The following CEP63 variants were observed in gnomAD, a reference collection of about 807,000 sequenced individuals.
CEP63 encodes centrosomal protein of 63 kDa.
CEP63 carries 84 observed loss-of-function variants against 89.1 expected under a neutral mutation model. The observed-to-expected ratio is 0.94, with a 90% CI of 0.79 to 1.13. The LOEUF is 1.13. Ranked by LOEUF, CEP63 falls within the 50% of genes most tolerant of loss-of-function variation. The pLI is 0.00. For synonymous variants in CEP63, 267 were observed against 272.5 expected (o/e 0.98, Z 0.20); for missense variants, 838 against 813.3 (o/e 1.03, Z -0.37).
the CEP63 span, among the ~76,000 whole-genome samples, chr3:134,696,520 A>G: frequency 1.4e-4 from 22 of 152,218 alleles, no homozygotes; most frequent in Non-Finnish European, 2.9e-4. Context: ...TTTTTAAACA[A>G]TAACTTTTCT....
intron 12 of CEP63, among the ~76,000 whole-genome samples, chr3:134,556,671 G>A (rs1956252614): frequency 2.0e-5 from 3 of 152,296 alleles, no homozygotes; most frequent in Admixed American, 6.5e-5. Flanking sequence ...GGGAACTTAA[G>A]CCAGACCATG....
At chr3:134,762,696 C>T in the CEP63 span, among the ~76,000 whole-genome samples, 1 of 152,136 alleles carries the variant, frequency 6.6e-6, no homozygotes, top group Non-Finnish European at 1.5e-5. Context: ...CAGGAGAAAC[C>T]AGCCCCACTA....
chr3:134,532,084 C>G, intron 4 of CEP63, 144 bp downstream of exon 4: 1 of 618,046 alleles, frequency 1.6e-6, no homozygotes, highest in African/African-American at 1.8e-5. Context: ...ATCCATTTCT[C>G]TGTTCTTTAA....
the CEP63 span, among the ~76,000 whole-genome samples, chr3:134,775,558 A>G: frequency 6.6e-6 from 1 of 152,178 alleles, no homozygotes. Flanking sequence ...TCACAGCTGG[A>G]GGATGGATAT....
chr3:134,501,546 C>T (rs185457175), intron 2 of CEP63, among the ~76,000 whole-genome samples: 110 of 147,884 alleles, frequency 7.4e-4, no homozygotes, highest in African/African-American at 2.6e-3. Flanking sequence ...GGTTTTTCAC[C>T]TCTGTAGTTA....
chr3:134,762,345 T>C, the CEP63 span, among the ~76,000 whole-genome samples: 4 of 152,094 alleles, frequency 2.6e-5, no homozygotes, highest in Admixed American at 2.6e-4. Context: ...TGGGGCGGTG[T>C]ATCAGGTAAC....
the CEP63 span, among the ~76,000 whole-genome samples, chr3:134,634,956 A>G: frequency 1.3e-5 from 2 of 152,248 alleles, no homozygotes; most frequent in South Asian, 4.1e-4. Context: ...GTGGGATTGT[A>G]AAATAGAACA....
rs140668390 is a variant in CEP63 at position 134,558,294 on chromosome 3, G to C, written c.1620G>C (p.Arg540Ser). The C allele has an allele frequency of 6.2e-7, 1 of 1,613,814 alleles. No individual in the cohort carries two copies. The highest frequency in any genetic ancestry group is 1.7e-5 in the Admixed American group (1 of 60,000). Residue 540 changes from arginine to serine, a missense_variant, in exon 13 of 15, where the codon AGG becomes AGC. Coordinates refer to ENST00000675561, the MANE Select transcript of CEP63 (RefSeq NM_001353108.3). ...STQMCKKQND[R>S]IFKPTHSRTT... ...AGATGTGCAAAAAACAAAATGACAG[G>C]ATCTTTAAACCAACACACAGCAGAA...
At chr3:134,591,891 A>AAAAT (rs1553800468), downstream of CEP63, among the ~76,000 whole-genome samples, 13 of 150,942 alleles carry the variant, frequency 8.6e-5, no homozygotes, top group African/African-American at 2.2e-4. Flanking sequence ...TGTCCCCCCA[A>AAAAT]AAAATAAAAT....
At chr3:134,748,575 G>A in the CEP63 span, among the ~76,000 whole-genome samples, 1 of 152,170 alleles carries the variant, frequency 6.6e-6, no homozygotes, top group Admixed American at 6.5e-5. Flanking sequence ...TGAGCTCAGT[G>A]AGCTTGCTAT....
the CEP63 span, chr3:134,607,784 G>A: frequency 1.9e-3 from 1,872 of 986,300 alleles, 34 homozygotes; most frequent in African/African-American, 0.03. Flanking sequence ...CATGGGAGAT[G>A]GCTAAGCTGG....
At chr3:134,566,778 A>G (rs952114296), downstream of CEP63, among the ~76,000 whole-genome samples, 1 of 152,194 alleles carries the variant, frequency 6.6e-6, no homozygotes, top group African/African-American at 2.4e-5. Context: ...GGACAATCAC[A>G]AGTGTTGAAG....
chr3:134,745,454 A>G, the CEP63 span, among the ~76,000 whole-genome samples: 1 of 152,210 alleles, frequency 6.6e-6, no homozygotes, highest in South Asian at 2.1e-4. Context: ...CTGAGTATCC[A>G]TTATGGGAAA....
the CEP63 span, among the ~76,000 whole-genome samples, chr3:134,606,402 T>G: frequency 6.6e-6 from 1 of 152,102 alleles, no homozygotes; most frequent in African/African-American, 2.4e-5. Context: ...CCACAACCCT[T>G]CATGCCTCAG....
At chr3:134,510,753 G>A in intron 3 of CEP63, 3 of 408,740 alleles carry the variant, frequency 7.3e-6, no homozygotes, top group South Asian at 7.1e-5. Context: ...CTTCTCTTGT[G>A]GAGATTCCTC....
downstream of CEP63, among the ~76,000 whole-genome samples, chr3:134,577,205 TG>T (rs1322802419): frequency 3.3e-5 from 5 of 152,082 alleles, no homozygotes; most frequent in Admixed American, 3.3e-4. Flanking sequence ...GGGCTGTTTT[TG>T]CAATAGAGTG....
intron 3 of CEP63, among the ~76,000 whole-genome samples, chr3:134,514,103 G>A (rs936458612): frequency 6.6e-6 from 1 of 152,016 alleles, no homozygotes; most frequent in African/African-American, 2.4e-5. Flanking sequence ...CAATAACAAT[G>A]TTTATTGCAT....
chr3:134,515,728 CTT>C (rs1946057308), intron 3 of CEP63, among the ~76,000 whole-genome samples: 1 of 152,294 alleles, frequency 6.6e-6, no homozygotes, highest in Admixed American at 6.5e-5. Context: ...AGTTTCCAAT[CTT>C]TTGGCTTCCC....
At chr3:134,714,123 G>A in the CEP63 span, among the ~76,000 whole-genome samples, 2 of 152,168 alleles carry the variant, frequency 1.3e-5, no homozygotes, top group African/African-American at 4.8e-5. Context: ...TCACGATACT[G>A]CAAGTTATGG....
Sources: gnomAD v4.1 joint callset for allele counts (sites outside exome capture counted in the v4.1 genomes callset) on GRCh38, gnomAD v4.1.1 for gene constraint, MANE v1.5 for transcripts, NCBI Gene and HGNC (gene_info 2026-07-23, HGNC 2026-07-21) for gene names.